The following CHD1L variants were observed in gnomAD, a reference collection of about 807,000 sequenced individuals.
The protein encoded by CHD1L is chromodomain helicase DNA binding protein 1 like, also known as ATP-dependent chromatin remodeler CHD1L.
CHD1L carries 118 observed loss-of-function variants against 115.9 expected under a neutral mutation model. The observed-to-expected ratio is 1.02, with a 90% CI of 0.88 to 1.19. CHD1L has a LOEUF of 1.19. Ranked by LOEUF, CHD1L falls within the 50% of genes most tolerant of loss-of-function variation. The pLI is 0.00. For missense variants in CHD1L, 1,179 were observed against 1,065.3 expected, an observed-to-expected ratio of 1.11 and a Z score of -1.49; for synonymous variants, 411 against 387.1, an observed-to-expected ratio of 1.06 and a Z score of -0.72.
At chr1:147,223,760 C>A in the CHD1L span, 2 of 233,934 alleles carry the variant, frequency 8.5e-6, no homozygotes, top group Non-Finnish European at 1.7e-5. Flanking sequence ...AAGAGCTATC[C>A]TTTTATAAGC....
intron 15 of CHD1L, 95 bp downstream of exon 15, chr1:147,280,286 T>C: frequency 7.8e-7 from 1 of 1,278,038 alleles, no homozygotes; most frequent in Non-Finnish European, 1.1e-6. Context: ...CTCTGGGGCA[T>C]CTTTTTTCTC....
At chr1:147,205,113 T>G in the CHD1L span, among the ~76,000 whole-genome samples, 213 of 152,372 alleles carry the variant, frequency 1.4e-3, no homozygotes, top group African/African-American at 4.9e-3. Flanking sequence ...GTTCCAAGAC[T>G]TTGTCTTTAT....
chr1:147,212,532 A>G, the CHD1L span: 6 of 1,611,452 alleles, frequency 3.7e-6, no homozygotes, highest in Admixed American at 8.4e-5. Context: ...GAACTTCTCA[A>G]TTCCTGCAAG....
chr1:147,184,663 A>G, the CHD1L span: 1 of 1,480,280 alleles, frequency 6.8e-7, no homozygotes, highest in Non-Finnish European at 9.0e-7. The surrounding 1 kb of genome is among the most constrained non-coding windows in gnomAD (Gnocchi z 4.4). Context: ...AATACAACAG[A>G]GAGGTAAAGT....
intron 13 of CHD1L, 29 bp from the exon 14 acceptor site, chr1:147,276,075 C>T: frequency 6.2e-7 from 1 of 1,612,054 alleles, no homozygotes; most frequent in Non-Finnish European, 8.5e-7. Context: ...ACCCTTATAG[C>T]ACACTACCCT....
chr1:147,234,790 G>T, the CHD1L span, among the ~76,000 whole-genome samples: 1 of 152,154 alleles, frequency 6.6e-6, no homozygotes, highest in Non-Finnish European at 1.5e-5. Context: ...AAAAAATTAT[G>T]AAAGATTTTA....
chr1:147,239,931 A>C (rs1664719103), upstream of CHD1L, among the ~76,000 whole-genome samples: 1 of 152,220 alleles, frequency 6.6e-6, no homozygotes, highest in African/African-American at 2.4e-5. Flanking sequence ...AAAACCACTC[A>C]TGAGCAGCCA....
chr1:147,293,839 A>T, intron 21 of CHD1L, 117 bp downstream of exon 21: 1 of 770,956 alleles, frequency 1.3e-6, no homozygotes. Context: ...GTAAAGGCAA[A>T]CCACAGAAGT....
At chr1:147,257,543 C>A (rs587719799) in intron 5 of CHD1L, among the ~76,000 whole-genome samples, 30 of 152,190 alleles carry the variant, frequency 2.0e-4, no homozygotes, top group South Asian at 8.3e-4. Context: ...GAAAGTAAAT[C>A]ATAGAGCTTC....
At chr1:147,219,180 A>G in the CHD1L span, among the ~76,000 whole-genome samples, 1 of 152,344 alleles carries the variant, frequency 6.6e-6, no homozygotes, top group South Asian at 2.1e-4. Flanking sequence ...ATGGCGTATG[A>G]TATAATGAAG....
At chr1:147,287,566 CTTTG>C (rs1683685999) in intron 18 of CHD1L, 65 bp from the exon 19 acceptor site, 3 of 1,110,670 alleles carry the variant, frequency 2.7e-6, no homozygotes, top group Non-Finnish European at 2.6e-6. Flanking sequence ...TTTTGTGTGC[CTTTG>C]TTTTTCTAAA....
the CHD1L span, among the ~76,000 whole-genome samples, chr1:147,187,845 GTTGA>G: frequency 6.6e-6 from 1 of 152,212 alleles, no homozygotes; most frequent in African/African-American, 2.4e-5. Flanking sequence ...GGAAAATGTG[GTTGA>G]TTAACAGTGA....
intron 19 of CHD1L, among the ~76,000 whole-genome samples, chr1:147,289,976 T>C (rs1317349917): frequency 6.6e-6 from 1 of 152,158 alleles, no homozygotes; most frequent in African/African-American, 2.4e-5. Context: ...GGGGATTTGA[T>C]CAAAAGGATG....
chr1:147,287,050 ATTTG>A (rs1480835375), intron 18 of CHD1L, among the ~76,000 whole-genome samples: 8 of 152,090 alleles, frequency 5.3e-5, no homozygotes, highest in East Asian at 3.9e-4. Flanking sequence ...TTACCTATGT[ATTTG>A]TTTATTTGAC....
At chr1:147,223,203 C>T in the CHD1L span, among the ~76,000 whole-genome samples, 4 of 152,162 alleles carry the variant, frequency 2.6e-5, no homozygotes, top group Non-Finnish European at 4.4e-5. Flanking sequence ...CATATTGTGG[C>T]TGGATTTTAA....
chr1:147,179,549 T>G, the CHD1L span: 8 of 1,586,738 alleles, frequency 5.0e-6, no homozygotes, highest in Admixed American at 1.7e-5. Context: ...TTATTAGCTA[T>G]CTACAACGAG....
At chr1:147,221,530 G>A in the CHD1L span, among the ~76,000 whole-genome samples, 2 of 152,188 alleles carry the variant, frequency 1.3e-5, no homozygotes, top group East Asian at 3.8e-4. Context: ...GATGTTTGCT[G>A]TATGGAGAGC....
chr1:147,263,008 A>T (rs781965280), intron 6 of CHD1L, among the ~76,000 whole-genome samples: 1 of 152,194 alleles, frequency 6.6e-6, no homozygotes, highest in South Asian at 2.1e-4. Flanking sequence ...TATATTAAAT[A>T]TCAAAATATT....
the CHD1L span, chr1:147,203,692 T>G: frequency 6.7e-7 from 1 of 1,490,736 alleles, no homozygotes; most frequent in Admixed American, 1.7e-5. Context: ...CAATTTCTGT[T>G]GCTCCACCTC....
Sources: allele counts gnomAD v4.1 joint callset (sites outside exome capture counted in the v4.1 genomes callset), GRCh38; gene constraint gnomAD v4.1.1; non-coding constraint Gnocchi (gnomAD v3.1); transcripts MANE v1.5; gene names NCBI Gene and HGNC (gene_info 2026-07-23, HGNC 2026-07-21).